RRAS2: variants seen among roughly 807,000 people sequenced by gnomAD.
RRAS2 encodes the protein ras-related protein R-Ras2.
RRAS2 carries 7 observed loss-of-function variants against 27.6 expected under a neutral mutation model. The ratio of observed to expected loss-of-function variants is 0.25; its 90% CI spans 0.14 to 0.48. The LOEUF (loss-of-function observed/expected upper bound fraction) is 0.48, where lower values mean the gene tolerates loss of function less well. RRAS2 is among the 20% of genes least tolerant of loss of function. The pLI is 0.99. For synonymous variants in RRAS2, 86 were observed against 90.9 expected, an observed-to-expected ratio of 0.95 and a Z score of 0.31; for missense variants, 178 against 256.2, an observed-to-expected ratio of 0.69 and a Z score of 2.08.
intron 1 of RRAS2, among the ~76,000 whole-genome samples, chr11:14,353,685 G>A (rs1849013805): frequency 6.6e-6 from 1 of 151,168 alleles, no homozygotes; most frequent in Admixed American, 6.6e-5. Flanking sequence ...CACACACAGA[G>A]ACAGACACAA....
chr11:14,327,309 G>A (rs4757249), intron 1 of RRAS2, among the ~76,000 whole-genome samples: 1 of 152,092 alleles, frequency 6.6e-6, no homozygotes, highest in Admixed American at 6.6e-5. Context: ...AAGAGAGGAT[G>A]GTCAAACCTC....
chr11:14,321,712 T>G (rs1279695350), intron 1 of RRAS2, among the ~76,000 whole-genome samples: 4 of 152,190 alleles, frequency 2.6e-5, no homozygotes, highest in African/African-American at 9.7e-5. Flanking sequence ...TTCTGAAATT[T>G]TGCCTGTTCT....
At chr11:14,353,190 G>C (rs1281290031) in intron 1 of RRAS2, among the ~76,000 whole-genome samples, 2 of 152,126 alleles carry the variant, frequency 1.3e-5, no homozygotes, top group East Asian at 3.8e-4. Context: ...GAATGGAGCA[G>C]ACTATTTTTA....
At chr11:14,347,184 A>T (rs1848853725) in intron 1 of RRAS2, among the ~76,000 whole-genome samples, 1 of 152,168 alleles carries the variant, frequency 6.6e-6, no homozygotes, top group Non-Finnish European at 1.5e-5. Flanking sequence ...AATTTTAAAA[A>T]TAATTAATTA....
In RRAS2 at chr11:14,277,948, T is replaced by C. The variant is rs1554943716; in HGVS notation, c.*1389A>G. The stretch of plus-strand genomic sequence containing the variant: ...TGTGATAACAGATCAATTTTAATTC[T>C]AGCACCTGAAGCTATACAAGGGTAT... On this transcript the variant is annotated 3_prime_UTR_variant, in exon 6 of 6. Coordinates refer to ENST00000256196, the MANE Select transcript of RRAS2 (RefSeq NM_012250.6). 2 of 152,228 alleles carry C rather than the reference T, an allele frequency of 1.3e-5. No individual in the cohort carries two copies. Among genetic ancestry groups the C allele is most frequent in the Non-Finnish European group, 1.5e-5 (1 of 68,040 alleles). The allele number at this position is 152,228 out of a possible 1,614,324, so 9.4% of individuals were successfully genotyped here.
At chr11:14,340,062 G>A (rs1848669932) in intron 1 of RRAS2, among the ~76,000 whole-genome samples, 1 of 150,234 alleles carries the variant, frequency 6.7e-6, no homozygotes, top group South Asian at 2.1e-4. Flanking sequence ...GGGTTGTGGG[G>A]GAGGTTGCAG....
At position 14,358,170 on chromosome 11, in the gene RRAS2, C is replaced by CA; in HGVS notation, c.108+592dup. 1 of 949,324 alleles carries CA rather than the reference C, an allele frequency of 1.1e-6. No individual in the cohort carries two copies. The highest frequency in any genetic ancestry group is 1.3e-6 in the Non-Finnish European group (1 of 796,958). 58.8% of individuals were successfully genotyped at this position (949,324 alleles called of 1,614,324 possible). On this transcript the variant is annotated intron_variant, in intron 1 of 5. Coordinates refer to ENST00000256196, the MANE Select transcript of RRAS2 (RefSeq NM_012250.6). The surrounding 1 kb of genome is among the most constrained non-coding windows in gnomAD (Gnocchi z 5.1). ...CCTAGAAGCCACCATTTCCCCGGGGCATTATCACACACTCCCACCCGGACA... is the reference window on the plus strand; with the variant it reads ...CCTAGAAGCCACCATTTCCCCGGGGCAATTATCACACACTCCCACCCGGACA...
chr11:14,288,037 G>T (rs1554945327), intron 4 of RRAS2, among the ~76,000 whole-genome samples: 8 of 152,226 alleles, frequency 5.3e-5, no homozygotes, highest in Admixed American at 5.2e-4. Context: ...TTGGAGTGCA[G>T]TGGCATGGCC....
chr11:14,342,343 G>A (rs1215168250), intron 1 of RRAS2, among the ~76,000 whole-genome samples: 1 of 152,120 alleles, frequency 6.6e-6, no homozygotes, highest in Non-Finnish European at 1.5e-5. Flanking sequence ...CAGGACCTTG[G>A]GCAAATCCCT....
chr11:14,324,472 T>C (rs1328232091), intron 1 of RRAS2, among the ~76,000 whole-genome samples: 1 of 151,874 alleles, frequency 6.6e-6, no homozygotes, highest in Non-Finnish European at 1.5e-5. Context: ...GTAAAAGCAT[T>C]CTCTTCATGG....
intron 1 of RRAS2, among the ~76,000 whole-genome samples, chr11:14,302,064 CCACACACA>C (rs1468745304): frequency 1.5e-4 from 8 of 51,820 alleles, no homozygotes; most frequent in Non-Finnish European, 2.8e-4. Context: ...AGTAAATGTA[CCACACACA>C]TACACACACA....
intron 1 of RRAS2, among the ~76,000 whole-genome samples, chr11:14,337,883 G>A (rs2134018503): frequency 6.6e-6 from 1 of 152,186 alleles, no homozygotes; most frequent in East Asian, 1.9e-4. Flanking sequence ...ATTGCCAGAA[G>A]GGCCACCCTA....
chr11:14,302,989 C>A (rs536521363), intron 1 of RRAS2, among the ~76,000 whole-genome samples: 2 of 152,282 alleles, frequency 1.3e-5, no homozygotes, highest in Non-Finnish European at 2.9e-5. Context: ...GTTAAAAATA[C>A]TCTATGTCTA....
chr11:14,340,644 T>TA (rs1848685185), intron 1 of RRAS2, among the ~76,000 whole-genome samples: 1 of 152,132 alleles, frequency 6.6e-6, no homozygotes, highest in African/African-American at 2.4e-5. Context: ...CAAAAATCAA[T>TA]ACCGTAAGAG....
intron 1 of RRAS2, among the ~76,000 whole-genome samples, chr11:14,339,017 C>A (rs79051232): frequency 1.3e-5 from 2 of 152,116 alleles, no homozygotes; most frequent in African/African-American, 4.8e-5. Context: ...CACACCACCA[C>A]GCCATTTATC....
chr11:14,349,936 A>AGTAT (rs1404351760), intron 1 of RRAS2, among the ~76,000 whole-genome samples: 10 of 152,142 alleles, frequency 6.6e-5, no homozygotes, highest in African/African-American at 2.4e-4. Context: ...TTATATACTC[A>AGTAT]GTATGTGAAA....
chr11:14,280,659 G>A (rs1232832405), intron 5 of RRAS2, among the ~76,000 whole-genome samples: 1 of 144,216 alleles, frequency 6.9e-6, no homozygotes, highest in Non-Finnish European at 1.5e-5. Flanking sequence ...CCAGGAGGCG[G>A]AGGTTGTAAT....
intron 1 of RRAS2, among the ~76,000 whole-genome samples, chr11:14,317,534 C>G (rs558501712): frequency 6.6e-6 from 1 of 152,142 alleles, no homozygotes. Context: ...GAGCCAAGAC[C>G]GTGCCATTGC....
intron 1 of RRAS2, among the ~76,000 whole-genome samples, chr11:14,335,990 G>A (rs1200027708): frequency 6.6e-6 from 1 of 152,166 alleles, no homozygotes; most frequent in Admixed American, 6.5e-5. Flanking sequence ...GTCAAGTGGG[G>A]ATCCTAGAAT....
Sources: allele counts gnomAD v4.1 joint callset (sites outside exome capture counted in the v4.1 genomes callset), GRCh38; gene constraint gnomAD v4.1.1; non-coding constraint Gnocchi (gnomAD v3.1); transcripts MANE v1.5; gene names NCBI Gene and HGNC (gene_info 2026-07-23, HGNC 2026-07-21).